TENM3: variants seen among roughly 807,000 people sequenced by gnomAD.
TENM3 encodes teneurin transmembrane protein 3.
In TENM3, 63 loss-of-function variants were observed where a neutral mutation model predicts 255.1. That is an observed-to-expected ratio of 0.25 (90% CI 0.20 to 0.30). The LOEUF (loss-of-function observed/expected upper bound fraction) is 0.30, where lower values mean the gene tolerates loss of function less well. Among genes scored for constraint, TENM3 ranks in the 10% least tolerant of loss-of-function variants. TENM3 has a pLI of 1.00. For missense variants in TENM3, 2,929 were observed against 3,461.1 expected (o/e 0.85, Z 3.86); for synonymous variants, 1,306 against 1,322.3 (o/e 0.99, Z 0.27).
At chr4:182,551,945 G>T (rs903355587) in intron 3 of TENM3, among the ~76,000 whole-genome samples, 3 of 151,732 alleles carry the variant, frequency 2.0e-5, no homozygotes, top group Non-Finnish European at 4.4e-5. Context: ...TTGAGCCTGG[G>T]AGGTTGAGGC....
At chr4:182,253,500 C>A (rs1293573511) in intron 1 of TENM3, among the ~76,000 whole-genome samples, 1 of 152,068 alleles carries the variant, frequency 6.6e-6, no homozygotes, top group Non-Finnish European at 1.5e-5. Flanking sequence ...AAGATTTATA[C>A]AAAGAAATTT....
chr4:182,473,526 A>T (rs1733355675), intron 3 of TENM3, among the ~76,000 whole-genome samples: 1 of 152,142 alleles, frequency 6.6e-6, no homozygotes, highest in South Asian at 2.1e-4. Context: ...ACAAAAAATT[A>T]GCCAGGCGTG....
In TENM3 at chr4:182,714,134, C is replaced by G; in HGVS notation, c.2269C>G (p.Gln757Glu). 1 of 1,613,672 alleles carries G rather than the reference C, an allele frequency of 6.2e-7. No homozygotes were observed. The highest frequency in any genetic ancestry group is 8.5e-7 in the Non-Finnish European group (1 of 1,179,754). The part of the protein sequence containing the change: ...CNSNGRCTLD[Q>E]NGWHCVCQPG... ...CAGCAATGGAAGATGTACCCTGGAC[C>G]AAAATGGCTGGCATTGTGTGTGCCA... The change falls in exon 13 of 28, where the codon CAA becomes GAA. Residue 757 changes from glutamine (Q) to glutamate (E), a missense_variant. This residue lies in a region of TENM3 where 1,608 missense variants were observed against 1,884.4 expected (regional missense o/e 0.85). Coordinates refer to ENST00000511685, the MANE Select transcript of TENM3 (RefSeq NM_001080477.4).
the TENM3 span, among the ~76,000 whole-genome samples, chr4:181,879,732 G>A: frequency 3.9e-5 from 6 of 152,112 alleles, no homozygotes; most frequent in Non-Finnish European, 7.4e-5. Context: ...AGCCCCAGAT[G>A]TGACTCCTGT....
At chr4:181,835,052 G>GA in the TENM3 span, 3 of 152,128 alleles carry the variant, frequency 2.0e-5, no homozygotes, top group Non-Finnish European at 4.4e-5. Flanking sequence ...AAGATCAGTT[G>GA]AAAAAACACT....
Position 182,725,459 on chromosome 4 carries a change from A to G in TENM3, c.2369-3506A>G, listed in dbSNP as rs375377183. Among the ~76,000 whole-genome samples the G allele has an allele frequency of 3.3e-5, 5 of 152,076 alleles. No individual in the cohort carries two copies. In the East Asian group the frequency reaches 5.8e-4, roughly 18 times the overall value. ...AGAAAAAATGTTTTACATTATTATT[A>G]TATATCCTCATGAAAAATAAGCCAA... On this transcript the variant is annotated intron_variant, in intron 13 of 27. Coordinates refer to ENST00000511685, the MANE Select transcript of TENM3 (RefSeq NM_001080477.4).
intron 22 of TENM3, among the ~76,000 whole-genome samples, chr4:182,770,441 C>G (rs1764105309): frequency 6.6e-6 from 1 of 152,138 alleles, no homozygotes; most frequent in Non-Finnish European, 1.5e-5. Context: ...CCCCTGCACC[C>G]CGACACCTTC....
At chr4:182,162,914 A>G (rs1751452437) in intron 1 of TENM3, among the ~76,000 whole-genome samples, 2 of 152,150 alleles carry the variant, frequency 1.3e-5, no homozygotes, top group Admixed American at 1.3e-4. Flanking sequence ...AACTTTCAAT[A>G]TGAACTTCGG....
chr4:181,676,499 G>C, the TENM3 span, among the ~76,000 whole-genome samples: 1 of 152,090 alleles, frequency 6.6e-6, no homozygotes, highest in Non-Finnish European at 1.5e-5. Flanking sequence ...GTACTGGACA[G>C]GTAGTTTTTC....
At chr4:182,578,165 C>T (rs574331975) in intron 3 of TENM3, among the ~76,000 whole-genome samples, 20 of 152,082 alleles carry the variant, frequency 1.3e-4, no homozygotes, top group African/African-American at 4.3e-4. Flanking sequence ...TTAGTAGAGA[C>T]GGGGTTTCAC....
the TENM3 span, among the ~76,000 whole-genome samples, chr4:182,097,981 A>G: frequency 6.7e-6 from 1 of 149,460 alleles, no homozygotes; most frequent in Non-Finnish European, 1.5e-5. Context: ...ACTTAGTAGG[A>G]AAAAAAAATC....
At chr4:182,719,156 A>G (rs1482060882) in intron 13 of TENM3, among the ~76,000 whole-genome samples, 1 of 151,980 alleles carries the variant, frequency 6.6e-6, no homozygotes, top group African/African-American at 2.4e-5. Flanking sequence ...TTTAAAAGAT[A>G]CATACTAAAC....
chr4:182,370,748 G>A (rs1472306008), intron 3 of TENM3, among the ~76,000 whole-genome samples: 13 of 152,124 alleles, frequency 8.5e-5, no homozygotes, highest in African/African-American at 2.9e-4. Context: ...ATTTCACTGT[G>A]AGAATATTCA....
At chr4:181,993,496 C>T in the TENM3 span, among the ~76,000 whole-genome samples, 1 of 152,100 alleles carries the variant, frequency 6.6e-6, no homozygotes, top group Non-Finnish European at 1.5e-5. Flanking sequence ...TCTGCTGTGG[C>T]GAGGCATTTT....
chr4:182,442,760 TTG>T (rs113143926), intron 3 of TENM3, among the ~76,000 whole-genome samples: 127,207 of 148,838 alleles, frequency 0.85, 54,366 homozygotes, highest in South Asian at 0.92. Context: ...CTCGACTAAT[TTG>T]TGTGTGTGTG....
At chr4:182,783,788 C>T (rs564351769) in intron 24 of TENM3, among the ~76,000 whole-genome samples, 14 of 152,262 alleles carry the variant, frequency 9.2e-5, no homozygotes, top group Admixed American at 2.6e-4. Context: ...CTTCCCTTCT[C>T]GCTTCATTTC....
At chr4:181,546,582 C>T in the TENM3 span, among the ~76,000 whole-genome samples, 3 of 141,234 alleles carry the variant, frequency 2.1e-5, no homozygotes, top group Non-Finnish European at 4.6e-5. Context: ...GGCGTGGTGG[C>T]GGACGCCTGT....
rs555917730 is a variant in TENM3 at position 182,416,737 on chromosome 4, C to G, written c.511+69808C>G. Among the ~76,000 whole-genome samples, 83 of 152,238 alleles carry G rather than the reference C, an allele frequency of 5.5e-4. 1 individual carries two copies. Among genetic ancestry groups the G allele is most frequent in the African/African-American group, 1.8e-3 (74 of 41,556 alleles). ...TAGAATTTATTGTAAAATAATGAGT[C>G]TGTTTATACAGTTATGCAAAACATG... On this transcript the variant is annotated intron_variant, in intron 3 of 27. Coordinates refer to ENST00000511685, the MANE Select transcript of TENM3 (RefSeq NM_001080477.4).
chr4:182,447,286 C>T (rs1355560097), intron 3 of TENM3, among the ~76,000 whole-genome samples: 1 of 147,094 alleles, frequency 6.8e-6, no homozygotes, highest in Non-Finnish European at 1.5e-5. Flanking sequence ...AAAAAAAAAA[C>T]TAAGGTGTGG....
Sources: allele counts gnomAD v4.1 joint callset (sites outside exome capture counted in the v4.1 genomes callset), GRCh38; gene constraint gnomAD v4.1.1; regional missense constraint gnomAD v4.1.1; transcripts MANE v1.5; gene names NCBI Gene and HGNC (gene_info 2026-07-23, HGNC 2026-07-21).